The following FGF14 variants were observed in gnomAD, a reference collection of about 807,000 sequenced individuals.
The protein encoded by FGF14 is fibroblast growth factor 14, also known as fibroblast growth factor homologous factor 4.
FGF14 carries 5 observed loss-of-function variants against 25.5 expected under a neutral mutation model. The observed-to-expected ratio is 0.20, with a 90% confidence interval of 0.10 to 0.41. The LOEUF is 0.41. FGF14 is among the 10% of genes least tolerant of loss of function. FGF14 has a pLI of 1.00. For synonymous variants in FGF14, 138 were observed against 118.3 expected (o/e 1.17, Z -1.08); for missense variants, 222 against 320.1 (o/e 0.69, Z 2.34).
In FGF14 at chr13:101,808,247, C is replaced by T. The variant is rs533416998; in HGVS notation, c.408+60478G>A. ...TAACTTACATGCATCTGTGAATCTACTAAATATCCTTCTGAGAGATAGCTT... is the reference window on the plus strand; with the variant it reads ...TAACTTACATGCATCTGTGAATCTATTAAATATCCTTCTGAGAGATAGCTT... On this transcript the variant is annotated intron_variant, in intron 3 of 4. Coordinates refer to ENST00000376143, the MANE Select transcript of FGF14 (RefSeq NM_004115.4). Among the ~76,000 whole-genome samples, 14 of 152,148 alleles carry T rather than the reference C, an allele frequency of 9.2e-5. No homozygotes were observed. In the East Asian group the frequency reaches 2.7e-3, roughly 29 times the overall value.
At chr13:101,921,219 C>T (rs1367173012), upstream of FGF14, among the ~76,000 whole-genome samples, 4 of 152,194 alleles carry the variant, frequency 2.6e-5, no homozygotes, top group Admixed American at 6.5e-5. Flanking sequence ...TGGGAAACTT[C>T]TTGCCACCTA....
intron 3 of FGF14, among the ~76,000 whole-genome samples, chr13:101,859,042 G>A (rs138543755): frequency 1.9e-4 from 29 of 152,176 alleles, no homozygotes; most frequent in East Asian, 1.7e-3. Context: ...GCAAAGCAGC[G>A]TGTAAATAAG....
At chr13:102,325,045 A>C (rs546126661) in intron 1 of FGF14, among the ~76,000 whole-genome samples, 4 of 152,086 alleles carry the variant, frequency 2.6e-5, no homozygotes, top group African/African-American at 9.7e-5. Flanking sequence ...AGATTTTTTT[A>C]AAAAAAGAGG....
chr13:102,175,672 C>T (rs1459980368), intron 1 of FGF14, among the ~76,000 whole-genome samples: 1 of 151,654 alleles, frequency 6.6e-6, no homozygotes, highest in African/African-American at 2.4e-5. Context: ...ATGCATCCAA[C>T]AAAGAAATAA....
rs2034859243 is a variant in FGF14 at position 101,719,745 on chromosome 13, A to C, written c.*3086T>G. 6.6e-6 allele frequency: 1 copy of C among 152,102 alleles called. No individual in the cohort carries two copies. The highest frequency in any genetic ancestry group is 2.4e-5 in the African/African-American group (1 of 41,438). The allele number at this position is 152,102 out of a possible 1,614,324, so 9.4% of individuals were successfully genotyped here. On this transcript the variant is annotated 3_prime_UTR_variant, in exon 5 of 5. Coordinates refer to ENST00000376143, the MANE Select transcript of FGF14 (RefSeq NM_004115.4). The stretch of plus-strand genomic sequence containing the variant: ...TATAGAGACTTGATACAATGGACAT[A>C]TGCACATGGAGGTACAAAACACACA...
chr13:101,713,744 A>G lies in FGF14; in HGVS notation c.*9087T>C, dbSNP rs1338488728. ...GTAAAGATATTTTAAATAACCAAAGAGGAAGTTTTTTAGTTAGGTAGGAGA... is the reference window on the plus strand; with the variant it reads ...GTAAAGATATTTTAAATAACCAAAGGGGAAGTTTTTTAGTTAGGTAGGAGA... On this transcript the variant is annotated 3_prime_UTR_variant, in exon 5 of 5. Transcript: ENST00000376143. 1 of 152,218 alleles carries G rather than the reference A, an allele frequency of 6.6e-6. No individual in the cohort carries two copies. The highest frequency in any genetic ancestry group is 1.5e-5 in the Non-Finnish European group (1 of 68,040). The allele number at this position is 152,218 out of a possible 1,614,324, so 9.4% of individuals were successfully genotyped here.
At chr13:101,797,555 G>A (rs1390537611) in intron 3 of FGF14, among the ~76,000 whole-genome samples, 2 of 152,032 alleles carry the variant, frequency 1.3e-5, no homozygotes, top group African/African-American at 2.4e-5. Context: ...GTGATTAGTC[G>A]ACAGAGAGCG....
intron 3 of FGF14, among the ~76,000 whole-genome samples, chr13:101,850,807 A>G (rs1421860401): frequency 6.6e-6 from 1 of 151,140 alleles, no homozygotes; most frequent in Non-Finnish European, 1.5e-5. Flanking sequence ...AAATGCTAGA[A>G]GTCATGAGAA....
chr13:101,748,512 T>TA (rs2037044973), intron 3 of FGF14, among the ~76,000 whole-genome samples: 1 of 151,596 alleles, frequency 6.6e-6, no homozygotes, highest in African/African-American at 2.4e-5. Context: ...GGACGACAGA[T>TA]AAATTCTTTA....
At chr13:102,006,926 A>T (rs2039836260) in intron 1 of FGF14, among the ~76,000 whole-genome samples, 1 of 150,182 alleles carries the variant, frequency 6.7e-6, no homozygotes. Context: ...TTGTATTTTT[A>T]GTAGAGACGG....
At chr13:101,974,783 GA>G (rs1454606164) in intron 1 of FGF14, among the ~76,000 whole-genome samples, 1 of 152,128 alleles carries the variant, frequency 6.6e-6, no homozygotes, top group African/African-American at 2.4e-5. Context: ...TTTTTCTTTG[GA>G]TAATACGCAA....
At chr13:102,159,934 A>G (rs977095500) in intron 1 of FGF14, among the ~76,000 whole-genome samples, 1 of 152,090 alleles carries the variant, frequency 6.6e-6, no homozygotes, top group Non-Finnish European at 1.5e-5. Context: ...TCCAATCAGC[A>G]CTCCTAAATA....
intron 1 of FGF14, among the ~76,000 whole-genome samples, chr13:102,176,095 A>C (rs574534674): frequency 6.6e-6 from 1 of 152,114 alleles, no homozygotes; most frequent in Non-Finnish European, 1.5e-5. Flanking sequence ...AGAAATTGTT[A>C]TATCAAAAAG....
At chr13:101,922,484 AAC>A (rs952805522) in intron 1 of FGF14, among the ~76,000 whole-genome samples, 3 of 152,208 alleles carry the variant, frequency 2.0e-5, no homozygotes, top group African/African-American at 7.2e-5. Flanking sequence ...CACACTTCCT[AAC>A]ACACACACAG....
intron 3 of FGF14, among the ~76,000 whole-genome samples, chr13:101,774,496 T>C (rs566498142): frequency 2.1e-4 from 32 of 152,234 alleles, no homozygotes; most frequent in Middle Eastern, 3.4e-3. Flanking sequence ...TTAGCTCTTA[T>C]AGGTATTTAA....
chr13:101,991,008 C>T (rs1466523641), intron 1 of FGF14, among the ~76,000 whole-genome samples: 1 of 152,082 alleles, frequency 6.6e-6, no homozygotes, highest in Admixed American at 6.6e-5. Flanking sequence ...ACTAATGGAG[C>T]ACATTACTTT....
chr13:102,160,015 C>T (rs1375332931), intron 1 of FGF14, among the ~76,000 whole-genome samples: 1 of 152,140 alleles, frequency 6.6e-6, no homozygotes, highest in Non-Finnish European at 1.5e-5. Context: ...GGTCCATTTA[C>T]AGCTTCAGTC....
chr13:102,148,694 A>C (rs2140490749), intron 1 of FGF14, among the ~76,000 whole-genome samples: 1 of 152,276 alleles, frequency 6.6e-6, no homozygotes, highest in South Asian at 2.1e-4. Context: ...CTGTAGTCCC[A>C]GCTACTCAGG....
intron 1 of FGF14, among the ~76,000 whole-genome samples, chr13:102,296,533 A>C (rs2054722703): frequency 6.6e-6 from 1 of 152,214 alleles, no homozygotes; most frequent in Non-Finnish European, 1.5e-5. Flanking sequence ...TAAGAGTAAT[A>C]AGAAAAATTA....
Sources: gnomAD v4.1 joint callset for allele counts (sites outside exome capture counted in the v4.1 genomes callset) on GRCh38, gnomAD v4.1.1 for gene constraint, MANE v1.5 for transcripts, NCBI Gene and HGNC (gene_info 2026-07-23, HGNC 2026-07-21) for gene names.